MACROD2: variants seen among roughly 807,000 people sequenced by gnomAD.
The protein encoded by MACROD2 is ADP-ribose glycohydrolase MACROD2.
A neutral mutation model predicts 70.4 loss-of-function variants in MACROD2; 36 were observed. The observed-to-expected ratio is 0.51, with a 90% CI of 0.39 to 0.68. The LOEUF is 0.68. Among genes scored for constraint, MACROD2 ranks in the 30% least tolerant of loss-of-function variants. The pLI is 0.00. For synonymous variants in MACROD2, 172 were observed against 178.8 expected (o/e 0.96, Z 0.30); for missense variants, 496 against 538.4 (o/e 0.92, Z 0.78).
intron 9 of MACROD2, among the ~76,000 whole-genome samples, chr20:15,884,289 G>T (rs557576358): frequency 2.3e-4 from 35 of 152,080 alleles, no homozygotes; most frequent in Non-Finnish European, 3.8e-4. Flanking sequence ...AAGGATGAAG[G>T]TGAATAGAGA....
intron 12 of MACROD2, among the ~76,000 whole-genome samples, chr20:15,951,592 A>G (rs962971830): frequency 2.0e-5 from 3 of 152,086 alleles, no homozygotes; most frequent in African/African-American, 7.2e-5. Flanking sequence ...GCAAAAATTG[A>G]TTATTTTCCT....
At chr20:15,390,918 T>C (rs1013140544) in intron 6 of MACROD2, among the ~76,000 whole-genome samples, 2 of 152,216 alleles carry the variant, frequency 1.3e-5, no homozygotes, top group African/African-American at 4.8e-5. Flanking sequence ...TCACACTTCC[T>C]AATCCATGAT....
chr20:15,063,868 A>G (rs1568555485), intron 5 of MACROD2, among the ~76,000 whole-genome samples: 2 of 152,222 alleles, frequency 1.3e-5, no homozygotes. Flanking sequence ...GGGGAAATTA[A>G]ATCTAGCTGC....
At chr20:14,150,393 A>G (rs1047489321) in intron 3 of MACROD2, among the ~76,000 whole-genome samples, 1 of 152,236 alleles carries the variant, frequency 6.6e-6, no homozygotes, top group African/African-American at 2.4e-5. Context: ...TGACTTAAAA[A>G]TCTTATCCCG....
intron 6 of MACROD2, among the ~76,000 whole-genome samples, chr20:15,422,020 A>G (rs557516977): frequency 6.6e-6 from 1 of 152,342 alleles, no homozygotes; most frequent in South Asian, 2.1e-4. Context: ...GGTGACAACA[A>G]GGTCAGTGGC....
intron 5 of MACROD2, among the ~76,000 whole-genome samples, chr20:15,200,366 C>T (rs1217057839): frequency 6.6e-6 from 1 of 151,982 alleles, no homozygotes; most frequent in African/African-American, 2.4e-5. Context: ...AATGTTTGAC[C>T]CTGTCACCCA....
intron 3 of MACROD2, among the ~76,000 whole-genome samples, chr20:14,148,549 C>A (rs781620958): frequency 3.9e-5 from 6 of 152,166 alleles, no homozygotes; most frequent in Non-Finnish European, 8.8e-5. Context: ...TTTTGTCAGT[C>A]TTTTACAGTT....
chr20:15,948,631 G>A (rs2065862648), intron 12 of MACROD2, among the ~76,000 whole-genome samples: 1 of 151,978 alleles, frequency 6.6e-6, no homozygotes, highest in Non-Finnish European at 1.5e-5. Flanking sequence ...TTCAGACTTT[G>A]ATATTCTTCC....
At chr20:14,129,132 A>G (rs1039787413) in intron 3 of MACROD2, among the ~76,000 whole-genome samples, 2 of 152,198 alleles carry the variant, frequency 1.3e-5, no homozygotes, top group African/African-American at 4.8e-5. Flanking sequence ...ATGGATATGG[A>G]CAAAGTAATT....
intron 1 of MACROD2, among the ~76,000 whole-genome samples, chr20:13,996,712 T>TG (rs1173297092): frequency 6.6e-6 from 1 of 152,236 alleles, no homozygotes; most frequent in Non-Finnish European, 1.5e-5. Flanking sequence ...TGAGTGTCTC[T>TG]GGCGTTTTTC....
At chr20:14,541,256 T>A (rs1461442319) in intron 4 of MACROD2, among the ~76,000 whole-genome samples, 1 of 152,136 alleles carries the variant, frequency 6.6e-6, no homozygotes, top group Non-Finnish European at 1.5e-5. Flanking sequence ...TTTGATGACA[T>A]ACTTTTTAGA....
At chr20:15,007,281 G>A (rs550203335) in intron 5 of MACROD2, among the ~76,000 whole-genome samples, 9 of 152,054 alleles carry the variant, frequency 5.9e-5, no homozygotes, top group East Asian at 5.8e-4. Context: ...GGAGAATGGC[G>A]TGAACCTGGG....
chr20:14,299,904 A>G (rs1426889563), intron 3 of MACROD2, among the ~76,000 whole-genome samples: 2 of 151,652 alleles, frequency 1.3e-5, no homozygotes, highest in African/African-American at 4.9e-5. Flanking sequence ...TAAATTTCAC[A>G]TTTTTTTTCT....
chr20:14,127,803 G>C (rs1202623410), intron 3 of MACROD2: 4 of 452,758 alleles, frequency 8.8e-6, no homozygotes, highest in South Asian at 1.9e-5. Flanking sequence ...GAAAATTGAA[G>C]AGAAAGGAGA....
intron 4 of MACROD2, among the ~76,000 whole-genome samples, chr20:14,601,404 G>A (rs1285984350): frequency 6.6e-6 from 1 of 152,108 alleles, no homozygotes; most frequent in Non-Finnish European, 1.5e-5. Flanking sequence ...AGGTGGTAAG[G>A]CTTACTGGCC....
rs2050378057 is a variant in MACROD2 at position 15,696,678 on chromosome 20, G to GTTTTTTGTTTTTTTT, written c.646-166061_646-166060insGTTTTTTTTTTTTTT. On this transcript the variant is annotated intron_variant, in intron 8 of 17. Transcript: ENST00000684519. ...TGCTGTGAATCTGTCTAGTCCTGGAGTTTTTTTTTTTTTTTTTTTGGTAAT... is the reference window on the plus strand; with the variant it reads ...TGCTGTGAATCTGTCTAGTCCTGGAGTTTTTTGTTTTTTTTTTTTTTTTTTTTTTTTTTTGGTAAT... Among the ~76,000 whole-genome samples, 2 of 88,756 alleles carry GTTTTTTGTTTTTTTT rather than the reference G, an allele frequency of 2.3e-5. 1 individual carries two copies. The highest frequency in any genetic ancestry group is 4.7e-5 in the Non-Finnish European group (2 of 42,980). The allele number at this position is 88,756 out of a possible 152,430, so 58.2% of individuals were successfully genotyped here.
chr20:14,435,159 T>G (rs577742037), intron 3 of MACROD2, among the ~76,000 whole-genome samples: 1 of 152,300 alleles, frequency 6.6e-6, no homozygotes, highest in East Asian at 1.9e-4. Context: ...CCTTCCCTGC[T>G]TCCAATTTGT....
At chr20:14,844,440 C>T (rs1568828812) in intron 5 of MACROD2, among the ~76,000 whole-genome samples, 1 of 151,892 alleles carries the variant, frequency 6.6e-6, no homozygotes, top group South Asian at 2.1e-4. Flanking sequence ...TCGCTTGAAC[C>T]CAGGAGATGG....
intron 2 of MACROD2, among the ~76,000 whole-genome samples, chr20:14,055,171 A>G (rs1336987412): frequency 6.6e-6 from 1 of 152,194 alleles, no homozygotes; most frequent in East Asian, 1.9e-4. Flanking sequence ...TCAGGTTAAG[A>G]AAGAAAAACA....
Sources: allele counts gnomAD v4.1 joint callset (sites outside exome capture counted in the v4.1 genomes callset), GRCh38; gene constraint gnomAD v4.1.1; transcripts MANE v1.5; gene names NCBI Gene and HGNC (gene_info 2026-07-23, HGNC 2026-07-21).